PSD3: variants seen among roughly 807,000 people sequenced by gnomAD.
PSD3 encodes pleckstrin and Sec7 domain containing 3, also known as PH and SEC7 domain-containing protein 3.
PSD3 carries 49 observed loss-of-function variants against 105.5 expected under a neutral mutation model. That is an observed-to-expected ratio of 0.46 (90% CI 0.37 to 0.59). The LOEUF (loss-of-function observed/expected upper bound fraction) is 0.59, where lower values mean the gene tolerates loss of function less well. PSD3 is among the 20% of genes least tolerant of loss of function. PSD3 has a pLI of 0.00. For synonymous variants in PSD3, 557 were observed against 457.8 expected (o/e 1.22, Z -2.77); for missense variants, 1,561 against 1,263.8 (o/e 1.24, Z -3.57).
intron 12 of PSD3, among the ~76,000 whole-genome samples, chr8:18,582,956 G>A (rs1179778133): frequency 6.6e-6 from 1 of 151,566 alleles, no homozygotes; most frequent in Non-Finnish European, 1.5e-5. Context: ...CTCCTGAGTA[G>A]CTAGGATTTT....
At chr8:18,777,565 T>G (rs1808221302) in intron 8 of PSD3, among the ~76,000 whole-genome samples, 1 of 152,200 alleles carries the variant, frequency 6.6e-6, no homozygotes, top group Non-Finnish European at 1.5e-5. Flanking sequence ...TATACATATT[T>G]ATGGGGTACA....
At chr8:18,750,907 G>T (rs1453604670) in intron 9 of PSD3, among the ~76,000 whole-genome samples, 3 of 152,104 alleles carry the variant, frequency 2.0e-5, no homozygotes. Flanking sequence ...GCCGACTGGT[G>T]TATTTACAAT....
chr8:18,608,662 G>A (rs934326282), intron 11 of PSD3, among the ~76,000 whole-genome samples: 41 of 152,188 alleles, frequency 2.7e-4, no homozygotes, highest in African/African-American at 7.7e-4. Flanking sequence ...AATGCTTAAC[G>A]GGGAATGAAA....
At chr8:18,702,902 G>A (rs191911442) in intron 9 of PSD3, among the ~76,000 whole-genome samples, 12 of 152,184 alleles carry the variant, frequency 7.9e-5, no homozygotes, top group Non-Finnish European at 1.5e-4. Flanking sequence ...GTGAGCCACC[G>A]CGCTTGGACA....
chr8:18,861,135 C>A (rs1045858586), intron 4 of PSD3, among the ~76,000 whole-genome samples: 1 of 152,142 alleles, frequency 6.6e-6, no homozygotes, highest in Non-Finnish European at 1.5e-5. Flanking sequence ...ACAAGACCAC[C>A]AGGGCAAGGG....
chr8:18,865,899 T>G (rs1329858891), intron 4 of PSD3, among the ~76,000 whole-genome samples: 1 of 152,222 alleles, frequency 6.6e-6, no homozygotes. Flanking sequence ...TCCATCCTCG[T>G]GACTGGCACC....
intron 9 of PSD3, among the ~76,000 whole-genome samples, chr8:18,749,544 G>T (rs1034033605): frequency 3.3e-5 from 5 of 152,042 alleles, no homozygotes; most frequent in African/African-American, 1.2e-4. Context: ...ACGGCAGATG[G>T]AACTAAGGTT....
At chr8:19,081,718 G>A (rs1829651968) in intron 1 of PSD3, among the ~76,000 whole-genome samples, 1 of 152,152 alleles carries the variant, frequency 6.6e-6, no homozygotes, top group Admixed American at 6.5e-5. Context: ...AAAGATGCAA[G>A]CCAAGATTTT....
intron 2 of PSD3, among the ~76,000 whole-genome samples, chr8:18,926,983 C>T (rs1008227376): frequency 6.6e-6 from 1 of 152,108 alleles, no homozygotes; most frequent in Non-Finnish European, 1.5e-5. Flanking sequence ...TCCCACAACC[C>T]TTTCCCTGGG....
chr8:18,674,180 C>T (rs532775934), intron 9 of PSD3, among the ~76,000 whole-genome samples: 7 of 151,814 alleles, frequency 4.6e-5, no homozygotes, highest in Admixed American at 2.6e-4. Context: ...GAAGGGTATG[C>T]GGCTATCAAA....
At chr8:18,708,548 TG>T (rs2129420539) in intron 9 of PSD3, among the ~76,000 whole-genome samples, 1 of 152,276 alleles carries the variant, frequency 6.6e-6, no homozygotes, top group South Asian at 2.1e-4. Context: ...TGTCTCTCCG[TG>T]TTTTTCCAAA....
chr8:18,987,146 G>C (rs766313876), intron 1 of PSD3, among the ~76,000 whole-genome samples: 11 of 151,630 alleles, frequency 7.3e-5, no homozygotes, highest in Non-Finnish European at 1.0e-4. Context: ...CCACCCTTTT[G>C]TTTTTAAAAG....
intron 4 of PSD3, among the ~76,000 whole-genome samples, chr8:18,831,215 T>G (rs1463916277): frequency 6.6e-6 from 1 of 152,204 alleles, no homozygotes; most frequent in African/African-American, 2.4e-5. Flanking sequence ...ACTTAACATC[T>G]CAGCTTCCTC....
intron 1 of PSD3, among the ~76,000 whole-genome samples, chr8:19,037,753 T>C (rs1336339774): frequency 6.6e-6 from 1 of 152,110 alleles, no homozygotes. Context: ...ACTTGCATCA[T>C]GGGTTCCTGA....
chr8:18,896,137 A>G (rs1486261687), intron 2 of PSD3, among the ~76,000 whole-genome samples: 1 of 152,250 alleles, frequency 6.6e-6, no homozygotes, highest in Non-Finnish European at 1.5e-5. Flanking sequence ...GTTGCCATGA[A>G]TAACAGAATT....
intron 12 of PSD3, among the ~76,000 whole-genome samples, chr8:18,599,206 A>C (rs1385999187): frequency 1.3e-5 from 2 of 152,226 alleles, no homozygotes; most frequent in Non-Finnish European, 2.9e-5. Flanking sequence ...GCATAAAGAC[A>C]GACACATGCA....
intron 10 of PSD3, among the ~76,000 whole-genome samples, chr8:18,636,182 C>T (rs1315535952): frequency 6.6e-6 from 1 of 152,002 alleles, no homozygotes; most frequent in Non-Finnish European, 1.5e-5. Context: ...CTTGTGTGGC[C>T]CTAAGCCAGC....
At chr8:18,751,335 G>C (rs577193295) in intron 9 of PSD3, among the ~76,000 whole-genome samples, 134 of 152,304 alleles carry the variant, frequency 8.8e-4, no homozygotes, top group Non-Finnish European at 1.5e-3. Flanking sequence ...CTGTGAAGTT[G>C]TTCCAGTTTC....
intron 9 of PSD3, among the ~76,000 whole-genome samples, chr8:18,660,513 G>A (rs1348544956): frequency 1.3e-5 from 2 of 152,196 alleles, no homozygotes; most frequent in East Asian, 1.9e-4. Flanking sequence ...ATACCCACAG[G>A]TGGATTTCAG....
Sources: allele counts gnomAD v4.1 joint callset (sites outside exome capture counted in the v4.1 genomes callset), GRCh38; gene constraint gnomAD v4.1.1; transcripts MANE v1.5; gene names NCBI Gene and HGNC (gene_info 2026-07-23, HGNC 2026-07-21).